OLFM1: variants seen among roughly 807,000 people sequenced by gnomAD.
OLFM1 encodes noelin.
OLFM1 carries 9 observed loss-of-function variants against 49.7 expected under a neutral mutation model. The ratio of observed to expected loss-of-function variants is 0.18; its 90% CI spans 0.11 to 0.32. OLFM1 has a LOEUF of 0.32. Among genes scored for constraint, OLFM1 ranks in the 10% least tolerant of loss-of-function variants. OLFM1 has a pLI of 1.00. For missense variants in OLFM1, 369 were observed against 661.8 expected (o/e 0.56, Z 4.85); for synonymous variants, 240 against 271.8 (o/e 0.88, Z 1.15).
chr9:135,100,878 G>A (rs1283312274), intron 4 of OLFM1, among the ~76,000 whole-genome samples: 1 of 152,082 alleles, frequency 6.6e-6, no homozygotes, highest in Non-Finnish European at 1.5e-5. Context: ...GAGAGGTGAT[G>A]ACAGCTGACT....
chr9:135,089,113 G>A (rs999458761), intron 1 of OLFM1, among the ~76,000 whole-genome samples: 20 of 152,204 alleles, frequency 1.3e-4, no homozygotes, highest in African/African-American at 3.4e-4. Context: ...AGAGGGCTCC[G>A]TGGTGTGGCT....
chr9:135,105,313 GA>G (rs1420091074), intron 4 of OLFM1, among the ~76,000 whole-genome samples: 1 of 152,250 alleles, frequency 6.6e-6, no homozygotes, highest in Non-Finnish European at 1.5e-5. Context: ...GACTCGATGG[GA>G]ATTTGGGGGC....
rs1460645095 is a variant in OLFM1, at chr9:135,121,076, G to A, written c.*898G>A. 1 of 152,386 alleles carries A rather than the reference G, an allele frequency of 6.6e-6. No homozygotes were observed. Among genetic ancestry groups the A allele is most frequent in the African/African-American group, 2.4e-5 (1 of 41,442 alleles). The allele number at this position is 152,386 out of a possible 1,614,324, so 9.4% of individuals were successfully genotyped here. A position where few individuals can be genotyped will look rare whatever the true frequency, so the allele number is the denominator to read the frequency against. On this transcript the variant is annotated 3_prime_UTR_variant, in exon 6 of 6. Coordinates refer to ENST00000371793, the MANE Select transcript of OLFM1 (RefSeq NM_001282611.2). The stretch of plus-strand genomic sequence containing the variant: ...CTCTGGTTTCCGATGGGACAGGAAA[G>A]TCATACGGGCAACAGTATGCGGAAA...
chr9:135,109,942 G>C (rs1311108972), intron 5 of OLFM1, among the ~76,000 whole-genome samples: 1 of 152,152 alleles, frequency 6.6e-6, no homozygotes, highest in Admixed American at 6.5e-5. Context: ...AGGTTAGCTT[G>C]GGACGCCTTT....
At position 135,120,429 on chromosome 9, in the gene OLFM1, G is replaced by A. The variant is rs774078518; in HGVS notation, c.*251G>A. ...CCACGGCGCCCCGGTTTTCCTCCCC[G>A]CCCTGTCCCTCTCTGGTCAAACAAC... On this transcript the variant is annotated 3_prime_UTR_variant, in exon 6 of 6. Coordinates refer to ENST00000371793, the MANE Select transcript of OLFM1 (RefSeq NM_001282611.2). The A allele has an allele frequency of 1.8e-5, 10 of 543,680 alleles. No individual in the cohort carries two copies. Among genetic ancestry groups the A allele is most frequent in the Admixed American group, 3.4e-5 (1 of 29,352 alleles). 33.7% of individuals were successfully genotyped at this position (543,680 alleles called of 1,614,324 possible).
At chr9:135,083,246 C>T (rs990519989), upstream of OLFM1, among the ~76,000 whole-genome samples, 9 of 152,200 alleles carry the variant, frequency 5.9e-5, no homozygotes, top group African/African-American at 2.2e-4. Context: ...TTCAAAGTAC[C>T]ACTCCCAGAA....
At chr9:135,077,207 A>C in intron 1 of OLFM1, 1 of 1,523,366 alleles carries the variant, frequency 6.6e-7, no homozygotes, top group Non-Finnish European at 8.8e-7. Flanking sequence ...GAGAAGAGCC[A>C]ACCAGGTCCT....
chr9:135,093,619 C>G (rs1209205799), intron 2 of OLFM1, among the ~76,000 whole-genome samples: 1 of 152,096 alleles, frequency 6.6e-6, no homozygotes, highest in East Asian at 1.9e-4. Context: ...TGCCTGCTGC[C>G]CCGTTGGGTA....
At chr9:135,076,355 C>T (rs771714979) in intron 1 of OLFM1, 20 of 1,541,704 alleles carry the variant, frequency 1.3e-5, no homozygotes, top group Non-Finnish European at 1.4e-5. Flanking sequence ...GCTTAATATG[C>T]AGGGCTTGGG....
upstream of OLFM1, among the ~76,000 whole-genome samples, chr9:135,086,360 C>T (rs1406153377): frequency 6.6e-6 from 1 of 152,252 alleles, no homozygotes; most frequent in East Asian, 1.9e-4. Context: ...TCACACCCAG[C>T]ACTCAGGCCA....
upstream of OLFM1, among the ~76,000 whole-genome samples, chr9:135,085,209 G>A (rs1427745088): frequency 6.6e-6 from 1 of 152,168 alleles, no homozygotes; most frequent in Non-Finnish European, 1.5e-5. Context: ...AGAAAGGGGT[G>A]GGCAACCTCC....
intron 2 of OLFM1, among the ~76,000 whole-genome samples, chr9:135,093,280 G>T (rs555223757): frequency 6.6e-6 from 1 of 152,324 alleles, no homozygotes; most frequent in East Asian, 1.9e-4. Flanking sequence ...GTGTGGCACG[G>T]GCTCCGTTCT....
chr9:135,082,220 G>A (rs2078107022), intron 1 of OLFM1, among the ~76,000 whole-genome samples: 1 of 152,132 alleles, frequency 6.6e-6, no homozygotes. Context: ...AGTGTAAGGG[G>A]GAGATGGGAA....
At chr9:135,087,161 G>T, upstream of OLFM1, 1 of 1,298,332 alleles carries the variant, frequency 7.7e-7, no homozygotes, top group African/African-American at 1.5e-5. Context: ...ATGCCCCGAC[G>T]CCCCCCTGGC....
intron 5 of OLFM1, among the ~76,000 whole-genome samples, chr9:135,107,187 A>G (rs1237909076): frequency 1.3e-5 from 2 of 152,120 alleles, no homozygotes; most frequent in South Asian, 2.1e-4. Flanking sequence ...CCCCAAGTCC[A>G]TTTCTCTGGA....
At chr9:135,091,142 C>A (rs1339414783) in intron 2 of OLFM1, among the ~76,000 whole-genome samples, 2 of 152,318 alleles carry the variant, frequency 1.3e-5, no homozygotes, top group African/African-American at 2.4e-5. Flanking sequence ...GAGCTCATCA[C>A]CTGGTTCAGT....
intron 4 of OLFM1, among the ~76,000 whole-genome samples, chr9:135,102,650 G>A (rs1423535716): frequency 6.6e-6 from 1 of 152,196 alleles, no homozygotes; most frequent in East Asian, 1.9e-4. Context: ...TGGCGGGGAT[G>A]CAGCATGGTT....
chr9:135,100,169 C>T (rs1279410405), intron 4 of OLFM1, among the ~76,000 whole-genome samples: 1 of 152,140 alleles, frequency 6.6e-6, no homozygotes, highest in Non-Finnish European at 1.5e-5. Context: ...ATGGAGAAAC[C>T]CAGAGAAAAC....
chr9:135,090,202 C>T lies in OLFM1; in HGVS notation c.158C>T (p.Pro53Leu). ...CGCCCCGCCCCTCTCCAGGTGCTGCCCACCAACCCTGAGGAGAGCTGGCAG... is the reference window on the plus strand; with the variant it reads ...CGCCCCGCCCCTCTCCAGGTGCTGCTCACCAACCCTGAGGAGAGCTGGCAG... ...GTLDRSTGVL[P>L]TNPEESWQVY... Residue 53 changes from proline to leucine, a missense_variant, in exon 2 of 6, where the codon CCC becomes CTC. Transcript: ENST00000371793. 1 of 1,607,554 alleles carries T rather than the reference C, an allele frequency of 6.2e-7. No homozygotes were observed. Among genetic ancestry groups the T allele is most frequent in the Non-Finnish European group, 8.5e-7 (1 of 1,174,892 alleles).
Sources: allele counts gnomAD v4.1 joint callset (sites outside exome capture counted in the v4.1 genomes callset), GRCh38; gene constraint gnomAD v4.1.1; transcripts MANE v1.5; gene names NCBI Gene and HGNC (gene_info 2026-07-23, HGNC 2026-07-21).